NQO1: variants seen among roughly 807,000 people sequenced by gnomAD.
NQO1 encodes NAD(P)H dehydrogenase [quinone] 1.
A neutral mutation model predicts 32.1 loss-of-function variants in NQO1; 30 were observed. The ratio of observed to expected loss-of-function variants is 0.94; its 90% CI spans 0.70 to 1.27. The LOEUF (loss-of-function observed/expected upper bound fraction) is 1.27. Ranked by LOEUF, NQO1 falls within the 50% of genes most tolerant of loss-of-function variation. NQO1 has a pLI of 0.00. For synonymous variants in NQO1, 109 were observed against 119.7 expected (o/e 0.91, Z 0.59); for missense variants, 276 against 331.3 (o/e 0.83, Z 1.30).
intron 1 of NQO1, among the ~76,000 whole-genome samples, chr16:69,721,126 G>A (rs957742423): frequency 6.6e-6 from 1 of 151,750 alleles, no homozygotes; most frequent in African/African-American, 2.4e-5. Context: ...CCAGGCTGGG[G>A]CAATTTTGCC....
At chr16:69,712,225 A>G (rs984728398) in intron 5 of NQO1, among the ~76,000 whole-genome samples, 1 of 151,438 alleles carries the variant, frequency 6.6e-6, no homozygotes, top group African/African-American at 2.4e-5. Flanking sequence ...CCACAGGTGT[A>G]TGACTACACC....
In NQO1 at chr16:69,710,939, T is replaced by G. The variant is rs750699563; in HGVS notation, c.*37A>C. 1.9e-6 allele frequency: 3 copies of G among 1,573,140 alleles called. No homozygotes were observed. The highest frequency in any genetic ancestry group is 2.2e-5 in the East Asian group (1 of 44,452). On this transcript the variant is annotated 3_prime_UTR_variant, in exon 6 of 6. Coordinates refer to ENST00000320623, the MANE Select transcript of NQO1 (RefSeq NM_000903.3). The stretch of plus-strand genomic sequence containing the variant: ...GGAAGCCTGGAAAGATACCCAGATT[T>G]GATAACATGTTAGAAGGAAATCCAG...
At chr16:69,717,585 C>G (rs191172426) in intron 3 of NQO1, among the ~76,000 whole-genome samples, 1 of 151,654 alleles carries the variant, frequency 6.6e-6, no homozygotes, top group Admixed American at 6.6e-5. Flanking sequence ...TACATCATCT[C>G]TGCAGCTGCA....
chr16:69,726,308 A>C, intron 1 of NQO1, 125 bp downstream of exon 1: 1 of 1,355,290 alleles, frequency 7.4e-7, no homozygotes, highest in Non-Finnish European at 1.0e-6. Flanking sequence ...CCAGGTCCCT[A>C]ATCTCTTCCC....
chr16:69,725,030 G>A (rs116423606), intron 1 of NQO1, among the ~76,000 whole-genome samples: 2,925 of 152,292 alleles, frequency 0.019, 46 homozygotes, highest in African/African-American at 0.034. Context: ...GGAGGAGAGG[G>A]TGCCAGTGCC....
chr16:69,726,302 G>A lies in NQO1; in HGVS notation c.7+131C>T, dbSNP rs2151748767. 3 of 1,284,688 alleles carry A rather than the reference G, an allele frequency of 2.3e-6. No individual in the cohort carries two copies. The East Asian group carries it at 7.3e-5, about 31-fold the overall frequency. The allele number at this position is 1,284,688 out of a possible 1,614,324, so 79.6% of individuals were successfully genotyped here. ...GGAGTCCGATCAAGGCTCATCCCAG[G>A]TCCCTAATCTCTTCCCTTTGTGGGT... On this transcript the variant is annotated intron_variant, in intron 1 of 5. Transcript: ENST00000320623.
chr16:69,710,087 C>T lies in NQO1; in HGVS notation c.*889G>A, dbSNP rs531775756. 19 of 243,190 alleles carry T rather than the reference C, an allele frequency of 7.8e-5. No homozygotes were observed. Among genetic ancestry groups the T allele is most frequent in the Non-Finnish European group, 1.4e-4 (18 of 127,964 alleles). 15.1% of individuals were successfully genotyped at this position (243,190 alleles called of 1,614,324 possible). On this transcript the variant is annotated 3_prime_UTR_variant, in exon 6 of 6. Transcript: ENST00000320623. ...GTGGATCACGCCTGTAATCCCAGCA[C>T]TTTGGGAGGCTGAGGTAGGCGGATC...
At chr16:69,716,843 C>G (rs902505216) in intron 3 of NQO1, among the ~76,000 whole-genome samples, 2 of 151,880 alleles carry the variant, frequency 1.3e-5, no homozygotes, top group Admixed American at 1.3e-4. Context: ...CCCAGCTATT[C>G]GGGAGACTGA....
intron 4 of NQO1, among the ~76,000 whole-genome samples, 175 bp from the exon 5 acceptor site, chr16:69,713,304 C>G (rs541829865): frequency 6.6e-6 from 1 of 152,202 alleles, no homozygotes; most frequent in African/African-American, 2.4e-5. Context: ...GGAGTGCCAG[C>G]CTAGATGGTC....
rs913383371 is a variant in NQO1 at position 69,710,767 on chromosome 16, C to G, written c.*209G>C. ...ATCTTTCCCTAAGTGGCCTCTTGAG[C>G]CCAGTCGGATTTTGGTTATATGCCA... On this transcript the variant is annotated 3_prime_UTR_variant, in exon 6 of 6. Coordinates refer to ENST00000320623, the MANE Select transcript of NQO1 (RefSeq NM_000903.3). 1.0e-5 allele frequency: 6 copies of G among 578,418 alleles called. No individual in the cohort carries two copies. In the African/African-American group the frequency reaches 1.1e-4, roughly 11 times the overall value. The allele number at this position is 578,418 out of a possible 1,614,324, so 35.8% of individuals were successfully genotyped here. A position where few individuals can be genotyped will look rare whatever the true frequency, so the allele number is the denominator to read the frequency against.
chr16:69,720,145 A>G (rs190389696), intron 1 of NQO1, among the ~76,000 whole-genome samples: 1 of 151,990 alleles, frequency 6.6e-6, no homozygotes, highest in Admixed American at 6.6e-5. Flanking sequence ...TGTAGTCCCA[A>G]CTACTCAGGA....
chr16:69,717,937 G>A, intron 3 of NQO1, 186 bp downstream of exon 3: 1 of 901,844 alleles, frequency 1.1e-6, no homozygotes, highest in South Asian at 1.7e-5. Context: ...ACATGCAACA[G>A]TAATACAGCC....
At chr16:69,720,486 G>C (rs2038174757) in intron 1 of NQO1, among the ~76,000 whole-genome samples, 1 of 150,958 alleles carries the variant, frequency 6.6e-6, no homozygotes, top group African/African-American at 2.4e-5. Flanking sequence ...TTTGTATGTA[G>C]ACTTGCAGCA....
chr16:69,714,030 C>G (rs1276147148), intron 4 of NQO1, among the ~76,000 whole-genome samples: 2 of 151,968 alleles, frequency 1.3e-5, no homozygotes, highest in African/African-American at 4.8e-5. Context: ...CACGTGCCAC[C>G]GCACCCGGCT....
At chr16:69,723,143 T>G (rs1471390832) in intron 1 of NQO1, among the ~76,000 whole-genome samples, 2 of 152,192 alleles carry the variant, frequency 1.3e-5, no homozygotes, top group Non-Finnish European at 2.9e-5. Flanking sequence ...CAGGATGGTC[T>G]CGATTTCCTG....
chr16:69,715,641 G>A (rs968589497), intron 3 of NQO1, among the ~76,000 whole-genome samples: 1 of 152,104 alleles, frequency 6.6e-6, no homozygotes. Context: ...GGTGGCGCAC[G>A]CCTGTAGTCC....
At chr16:69,714,860 CAA>C in intron 4 of NQO1, 102 bp downstream of exon 4, 1 of 797,780 alleles carries the variant, frequency 1.3e-6, no homozygotes, top group Non-Finnish European at 2.1e-6. Context: ...GCCTGGGCAA[CAA>C]GAGGGAAGCT....
At chr16:69,726,036 T>C (rs2151748655) in intron 1 of NQO1, among the ~76,000 whole-genome samples, 1 of 152,350 alleles carries the variant, frequency 6.6e-6, no homozygotes, top group East Asian at 1.9e-4. Flanking sequence ...CATTTTTAAG[T>C]GAAATCACCC....
chr16:69,712,632 G>T (rs559226233), intron 5 of NQO1, among the ~76,000 whole-genome samples: 1 of 152,294 alleles, frequency 6.6e-6, no homozygotes, highest in South Asian at 2.1e-4. Context: ...CACAACTCAA[G>T]ATCTATTTTC....
Sources: allele counts gnomAD v4.1 joint callset (sites outside exome capture counted in the v4.1 genomes callset), GRCh38; gene constraint gnomAD v4.1.1; transcripts MANE v1.5; gene names NCBI Gene and HGNC (gene_info 2026-07-23, HGNC 2026-07-21).